Variants in RCOR3 observed in about 807,000 individuals in gnomAD.
The protein encoded by RCOR3 is REST corepressor 3.
In RCOR3, 13 loss-of-function variants were observed where a neutral mutation model predicts 64.1. The ratio of observed to expected loss-of-function variants is 0.20; its 90% CI spans 0.13 to 0.32. RCOR3 has a LOEUF of 0.32. RCOR3 is among the 10% of genes least tolerant of loss of function. RCOR3 has a pLI of 1.00. For synonymous variants in RCOR3, 215 were observed against 239.0 expected (o/e 0.90, Z 0.93); for missense variants, 489 against 701.2 (o/e 0.70, Z 3.42).
intron 7 of RCOR3, among the ~76,000 whole-genome samples, chr1:211,281,343 A>G (rs1697782710): frequency 6.6e-6 from 1 of 151,780 alleles, no homozygotes; most frequent in South Asian, 2.1e-4. Flanking sequence ...CTCTCAAAAA[A>G]CTGTGAGATT....
chr1:211,301,279 CAAATT>C (rs1449054698), intron 9 of RCOR3, among the ~76,000 whole-genome samples: 3 of 152,020 alleles, frequency 2.0e-5, no homozygotes, highest in African/African-American at 7.2e-5. Context: ...CATTGTATCC[CAAATT>C]AAATTAAATC....
At chr1:211,265,725 TAAATA>T (rs986849267) in intron 2 of RCOR3, among the ~76,000 whole-genome samples, 4 of 152,034 alleles carry the variant, frequency 2.6e-5, no homozygotes, top group Non-Finnish European at 2.9e-5. Context: ...CTCAAATAAA[TAAATA>T]AAATAAAATA....
chr1:211,299,201 G>A (rs4951739), intron 9 of RCOR3, among the ~76,000 whole-genome samples: 145,608 of 152,272 alleles, frequency 0.96, 69,685 homozygotes, highest in East Asian at 1. Context: ...CATGTAAGTC[G>A]TCAATGATAA....
At chr1:211,288,849 T>C (rs1300820403) in intron 7 of RCOR3, among the ~76,000 whole-genome samples, 1 of 152,106 alleles carries the variant, frequency 6.6e-6, no homozygotes, top group Non-Finnish European at 1.5e-5. Context: ...CCCCCCTTTA[T>C]TGCTGAGGGA....
At chr1:211,287,332 C>T (rs1249031734) in intron 7 of RCOR3, among the ~76,000 whole-genome samples, 1 of 152,144 alleles carries the variant, frequency 6.6e-6, no homozygotes, top group African/African-American at 2.4e-5. Flanking sequence ...CACCTGTTGT[C>T]CATTGAAGCC....
chr1:211,292,225 T>C (rs1283750956), intron 8 of RCOR3, among the ~76,000 whole-genome samples: 5 of 152,252 alleles, frequency 3.3e-5, no homozygotes, highest in Non-Finnish European at 5.9e-5. Context: ...CTCTGGAGTA[T>C]GTGTGTTTAT....
chr1:211,314,344 T>TA lies in RCOR3; in HGVS notation c.*579dup, dbSNP rs1034105014. 2.6e-5 allele frequency: 4 copies of TA among 152,174 alleles called. No homozygotes were observed. The highest frequency in any genetic ancestry group is 1.3e-4 in the Admixed American group (2 of 15,280). The allele number at this position is 152,174 out of a possible 1,614,324, so 9.4% of individuals were successfully genotyped here. A position where few individuals can be genotyped will look rare whatever the true frequency, so the allele number is the denominator to read the frequency against. Reference sequence around the variant, plus strand: ...TTTCAAAAAATGTTGCTTTTTTTTTTAAAGGAATTTTAATATATTCCTTTA... The same window carrying TA: ...TTTCAAAAAATGTTGCTTTTTTTTTTAAAAGGAATTTTAATATATTCCTTTA... On this transcript the variant is annotated 3_prime_UTR_variant, in exon 12 of 12. Coordinates refer to ENST00000419091, the MANE Select transcript of RCOR3 (RefSeq NM_001136223.3).
chr1:211,294,224 C>G (rs1266662682), intron 8 of RCOR3, among the ~76,000 whole-genome samples: 1 of 152,186 alleles, frequency 6.6e-6, no homozygotes, highest in Non-Finnish European at 1.5e-5. Flanking sequence ...CATGTAGCAG[C>G]TACCTCAATT....
intron 2 of RCOR3, chr1:211,261,272 A>G (rs1211646774): frequency 6.6e-6 from 1 of 152,056 alleles, no homozygotes; most frequent in African/African-American, 2.4e-5. Context: ...TCCTCTCCCC[A>G]TTAAGACAAT....
chr1:211,275,753 C>T (rs553510635), intron 4 of RCOR3, among the ~76,000 whole-genome samples: 1 of 152,186 alleles, frequency 6.6e-6, no homozygotes, highest in Admixed American at 6.5e-5. Context: ...GTTAAAGTTG[C>T]AGTGGAGGTA....
chr1:211,269,280 A>G (rs1357384062), intron 2 of RCOR3, among the ~76,000 whole-genome samples: 1 of 152,064 alleles, frequency 6.6e-6, no homozygotes, highest in East Asian at 1.9e-4. Context: ...CCTGACCAAC[A>G]TGGAGAAACC....
chr1:211,302,555 A>G (rs920011865), intron 9 of RCOR3: 1 of 152,238 alleles, frequency 6.6e-6, no homozygotes, highest in Non-Finnish European at 1.5e-5. Context: ...GTCAGAAAAG[A>G]TACGCCAAAA....
chr1:211,265,877 C>T (rs771525536), intron 2 of RCOR3, among the ~76,000 whole-genome samples: 1 of 152,064 alleles, frequency 6.6e-6, no homozygotes, highest in Non-Finnish European at 1.5e-5. Flanking sequence ...TTTCCTGACA[C>T]CCTGTTTGAA....
chr1:211,313,383 A>G lies in RCOR3; in HGVS notation c.1318-41A>G, dbSNP rs754360319. 3 of 1,578,252 alleles carry G rather than the reference A, an allele frequency of 1.9e-6. No homozygotes were observed. Among genetic ancestry groups the G allele is most frequent in the Non-Finnish European group, 2.6e-6 (3 of 1,160,784 alleles). ...ACTATATTGTATTAAGTTCATTAGG[A>G]CTTACATCTCATACGTGTATTTTTG... On this transcript the variant is annotated intron_variant, in intron 11 of 11. Coordinates refer to ENST00000419091, the MANE Select transcript of RCOR3 (RefSeq NM_001136223.3). This position sits in a 1 kb window ranked among gnomAD's most constrained non-coding sequence, Gnocchi z 4.7.
intron 8 of RCOR3, among the ~76,000 whole-genome samples, chr1:211,290,831 G>A (rs1699160648): frequency 1.3e-5 from 2 of 152,062 alleles, no homozygotes; most frequent in Admixed American, 1.3e-4. Context: ...AGGTAGACAG[G>A]GATTTATAAG....
At position 211,259,430 on chromosome 1, in the gene RCOR3, C is replaced by T. The variant is rs1253287006; in HGVS notation, c.-131C>T. ...GTTATGGCGGCTCCATATTAACAGC[C>T]TCCTCCTCCTCCGCCGCCGCCGCCG... On this transcript the variant is annotated 5_prime_UTR_variant, in exon 1 of 12. Coordinates refer to ENST00000419091, the MANE Select transcript of RCOR3 (RefSeq NM_001136223.3). 1.7e-5 allele frequency: 15 copies of T among 875,620 alleles called. No homozygotes were observed. The South Asian group carries it at 1.9e-4, about 11-fold the overall frequency. The allele number at this position is 875,620 out of a possible 1,614,324, so 54.2% of individuals were successfully genotyped here. A position where few individuals can be genotyped will look rare whatever the true frequency, so the allele number is the denominator to read the frequency against.
chr1:211,308,420 C>T (rs535620932), intron 10 of RCOR3, among the ~76,000 whole-genome samples: 38 of 152,186 alleles, frequency 2.5e-4, no homozygotes, highest in African/African-American at 9.2e-4. Context: ...AAGAAATACA[C>T]GCTCCCAAAT....
intron 4 of RCOR3, among the ~76,000 whole-genome samples, chr1:211,275,940 AT>A (rs894135127): frequency 1.2e-4 from 19 of 152,146 alleles, no homozygotes; most frequent in Admixed American, 1.1e-3. Context: ...ATATTGACAA[AT>A]TTTAAAATGT....
At chr1:211,279,393 G>T in intron 7 of RCOR3, 77 bp downstream of exon 7, 1 of 1,072,222 alleles carries the variant, frequency 9.3e-7, no homozygotes. Flanking sequence ...TTCGTATTAA[G>T]AAAAACTTTT....
Sources: allele counts gnomAD v4.1 joint callset (sites outside exome capture counted in the v4.1 genomes callset), GRCh38; gene constraint gnomAD v4.1.1; non-coding constraint Gnocchi (gnomAD v3.1); transcripts MANE v1.5; gene names NCBI Gene and HGNC (gene_info 2026-07-23, HGNC 2026-07-21).